SLC25A21: variants seen among roughly 807,000 people sequenced by gnomAD.
The protein encoded by SLC25A21 is solute carrier family 25 member 21.
A neutral mutation model predicts 43.8 loss-of-function variants in SLC25A21; 47 were observed. The ratio of observed to expected loss-of-function variants is 1.07; its 90% confidence interval spans 0.85 to 1.37. The LOEUF is 1.37. Among genes scored for constraint, SLC25A21 ranks in the 40% most tolerant of loss-of-function variants. SLC25A21 has a pLI of 0.00. For synonymous variants in SLC25A21, 131 were observed against 121.3 expected (o/e 1.08, Z -0.52); for missense variants, 352 against 350.2 (o/e 1.00, Z -0.04).
chr14:36,941,852 T>G (rs1892567164), intron 1 of SLC25A21, among the ~76,000 whole-genome samples: 1 of 152,054 alleles, frequency 6.6e-6, no homozygotes, highest in African/African-American at 2.4e-5. Context: ...TGAAATATTC[T>G]GAAATAAACA....
chr14:37,149,865 T>A (rs1436764091), intron 1 of SLC25A21, among the ~76,000 whole-genome samples: 3 of 152,296 alleles, frequency 2.0e-5, no homozygotes, highest in Non-Finnish European at 2.9e-5. Flanking sequence ...TATTTAAAAA[T>A]TTTTTAAAGA....
chr14:36,800,611 G>A (rs1749930), intron 3 of SLC25A21, among the ~76,000 whole-genome samples: 63,611 of 151,836 alleles, frequency 0.42, 13,789 homozygotes, highest in East Asian at 0.7. Flanking sequence ...ACTGTTTAAG[G>A]GTACAGATTT....
chr14:37,040,236 G>A (rs1374280391), intron 1 of SLC25A21, among the ~76,000 whole-genome samples: 37 of 23,738 alleles, frequency 1.6e-3, no homozygotes, highest in African/African-American at 5.7e-3. Context: ...AAAAGAAAGG[G>A]AGGAAGGGAG....
intron 1 of SLC25A21, among the ~76,000 whole-genome samples, chr14:37,057,283 T>C (rs913180342): frequency 5.9e-5 from 9 of 152,218 alleles, no homozygotes; most frequent in African/African-American, 2.2e-4. Flanking sequence ...ACAGTAACAG[T>C]TGGAATCCTA....
At chr14:36,867,137 G>T (rs1203683002) in intron 2 of SLC25A21, among the ~76,000 whole-genome samples, 1 of 152,002 alleles carries the variant, frequency 6.6e-6, no homozygotes, top group Non-Finnish European at 1.5e-5. Context: ...ACCTCTGCTC[G>T]AGGTACAGCT....
intron 1 of SLC25A21, among the ~76,000 whole-genome samples, chr14:36,955,626 G>A (rs994305504): frequency 6.6e-6 from 1 of 152,064 alleles, no homozygotes. Context: ...GACAAACCAA[G>A]ATTAAAGATG....
chr14:36,838,649 G>A (rs1889288440), intron 2 of SLC25A21, among the ~76,000 whole-genome samples: 1 of 152,174 alleles, frequency 6.6e-6, no homozygotes, highest in African/African-American at 2.4e-5. Flanking sequence ...GTGGAGGCAG[G>A]GAGTGGGGGA....
chr14:36,817,150 T>C (rs1888484592), intron 2 of SLC25A21, among the ~76,000 whole-genome samples: 1 of 152,118 alleles, frequency 6.6e-6, no homozygotes, highest in African/African-American at 2.4e-5. Context: ...TGATTTAAGA[T>C]GCTACAGGTT....
At chr14:36,681,287 C>T (rs192652241) in intron 9 of SLC25A21, among the ~76,000 whole-genome samples, 9 of 152,272 alleles carry the variant, frequency 5.9e-5, no homozygotes, top group Admixed American at 1.3e-4. Context: ...ACCTTCATTC[C>T]TTTTATCTGC....
At chr14:36,809,564 T>C (rs1888161312) in intron 3 of SLC25A21, among the ~76,000 whole-genome samples, 4 of 152,286 alleles carry the variant, frequency 2.6e-5, no homozygotes, top group Admixed American at 6.5e-5. Flanking sequence ...ACTCATGTGG[T>C]TGAGCTATTG....
At chr14:36,803,712 A>G (rs1360079172) in intron 3 of SLC25A21, among the ~76,000 whole-genome samples, 1 of 152,136 alleles carries the variant, frequency 6.6e-6, no homozygotes, top group Non-Finnish European at 1.5e-5. Context: ...AAGCCACTGT[A>G]TAAGGCTGGC....
At chr14:37,105,991 AG>A (rs1408432789) in intron 1 of SLC25A21, among the ~76,000 whole-genome samples, 1 of 152,182 alleles carries the variant, frequency 6.6e-6, no homozygotes, top group African/African-American at 2.4e-5. Context: ...GACATTTAAC[AG>A]TTCCCAAATA....
At chr14:37,145,476 C>G (rs8018602) in intron 1 of SLC25A21, among the ~76,000 whole-genome samples, 82,041 of 143,594 alleles carry the variant, frequency 0.57, 24,198 homozygotes, top group Admixed American at 0.65. Context: ...CACACACACA[C>G]AGAGAGATGA....
chr14:36,790,186 ATATAAG>A (rs1480845593), intron 3 of SLC25A21, among the ~76,000 whole-genome samples: 6 of 151,200 alleles, frequency 4.0e-5, no homozygotes, highest in Non-Finnish European at 7.4e-5. Context: ...GCATCTTAGG[ATATAAG>A]TATATTTACA....
chr14:36,722,233 T>C (rs1884403063), intron 6 of SLC25A21, among the ~76,000 whole-genome samples: 1 of 152,142 alleles, frequency 6.6e-6, no homozygotes, highest in Non-Finnish European at 1.5e-5. Context: ...AAATGAGAAA[T>C]TATAGAGACA....
intron 3 of SLC25A21, among the ~76,000 whole-genome samples, chr14:36,780,878 T>G (rs1011968496): frequency 6.6e-6 from 1 of 152,096 alleles, no homozygotes; most frequent in Non-Finnish European, 1.5e-5. Context: ...TGTTTCCTTG[T>G]TGATTCTTTT....
At chr14:37,168,249 T>G (rs986444798) in intron 1 of SLC25A21, among the ~76,000 whole-genome samples, 1 of 152,104 alleles carries the variant, frequency 6.6e-6, no homozygotes, top group Admixed American at 6.6e-5. Context: ...CTCTCATCAT[T>G]GGTTTCTCTG....
intron 1 of SLC25A21, among the ~76,000 whole-genome samples, chr14:37,058,188 G>T (rs1961871238): frequency 6.6e-6 from 1 of 152,170 alleles, no homozygotes; most frequent in Admixed American, 6.5e-5. Context: ...ACAATTCAAT[G>T]TAATCTGTTG....
intron 2 of SLC25A21, among the ~76,000 whole-genome samples, chr14:36,850,083 G>A (rs1172833933): frequency 6.6e-6 from 1 of 152,048 alleles, no homozygotes. Flanking sequence ...AGAAAATTTA[G>A]GGATGGGGTG....
Sources: gnomAD v4.1 joint callset for allele counts (sites outside exome capture counted in the v4.1 genomes callset) on GRCh38, gnomAD v4.1.1 for gene constraint, MANE v1.5 for transcripts, NCBI Gene and HGNC (gene_info 2026-07-23, HGNC 2026-07-21) for gene names.